GALNT13: variants seen among roughly 807,000 people sequenced by gnomAD.
The protein encoded by GALNT13 is UDP-GalNAc:polypeptide N-acetylgalactosaminyltransferase 13.
In GALNT13, 28 loss-of-function variants were observed where a neutral mutation model predicts 64.2. The observed-to-expected ratio is 0.44, with a 90% CI of 0.32 to 0.60. The LOEUF (loss-of-function observed/expected upper bound fraction) is 0.60. Among genes scored for constraint, GALNT13 ranks in the 20% least tolerant of loss-of-function variants. GALNT13 has a pLI of 0.05. For missense variants in GALNT13, 577 were observed against 669.8 expected, an observed-to-expected ratio of 0.86 and a Z score of 1.53; for synonymous variants, 214 against 224.6, an observed-to-expected ratio of 0.95 and a Z score of 0.42.
the GALNT13 span, among the ~76,000 whole-genome samples, chr2:153,347,923 TA>T: frequency 6.6e-6 from 1 of 152,192 alleles, no homozygotes; most frequent in Admixed American, 6.5e-5. Context: ...TTTATTGCTT[TA>T]AAAAAGGTTT....
At chr2:153,684,144 T>C in the GALNT13 span, among the ~76,000 whole-genome samples, 1 of 151,664 alleles carries the variant, frequency 6.6e-6, no homozygotes, top group Non-Finnish European at 1.5e-5. Flanking sequence ...TACATCATTT[T>C]ACAGGTAGCC....
At chr2:153,628,881 CCTT>C in the GALNT13 span, among the ~76,000 whole-genome samples, 1 of 152,086 alleles carries the variant, frequency 6.6e-6, no homozygotes, top group African/African-American at 2.4e-5. Context: ...AGGGAGGATT[CCTT>C]CTTTTTCTAT....
intron 8 of GALNT13, among the ~76,000 whole-genome samples, chr2:154,283,734 CACAT>C (rs2105944889): frequency 6.6e-6 from 1 of 152,096 alleles, no homozygotes; most frequent in East Asian, 1.9e-4. Flanking sequence ...TACACACAAG[CACAT>C]ACACACAGCC....
At chr2:154,182,285 T>G (rs1015543821) in intron 4 of GALNT13, among the ~76,000 whole-genome samples, 8 of 152,204 alleles carry the variant, frequency 5.3e-5, no homozygotes, top group Non-Finnish European at 8.8e-5. Flanking sequence ...ATGTTTCATT[T>G]CTTCAATGCA....
the GALNT13 span, among the ~76,000 whole-genome samples, chr2:153,402,562 C>T: frequency 6.6e-6 from 1 of 152,092 alleles, no homozygotes; most frequent in Non-Finnish European, 1.5e-5. Context: ...CTTTCAGGTA[C>T]ACCAATCAGA....
the GALNT13 span, among the ~76,000 whole-genome samples, chr2:153,232,216 A>G: frequency 5.9e-5 from 9 of 152,242 alleles, no homozygotes; most frequent in Non-Finnish European, 1.2e-4. Context: ...AATGATATCC[A>G]TCATGCATAG....
At chr2:153,549,682 C>G in the GALNT13 span, among the ~76,000 whole-genome samples, 1 of 152,124 alleles carries the variant, frequency 6.6e-6, no homozygotes, top group Admixed American at 6.5e-5. Context: ...TCATGCAGAG[C>G]CTAGTATAAA....
chr2:153,595,831 A>G, the GALNT13 span, among the ~76,000 whole-genome samples: 1 of 152,216 alleles, frequency 6.6e-6, no homozygotes, highest in Non-Finnish European at 1.5e-5. Flanking sequence ...CATGTGCCCA[A>G]TATTGCCTCT....
the GALNT13 span, among the ~76,000 whole-genome samples, chr2:153,688,919 T>A: frequency 4.0e-5 from 6 of 151,896 alleles, no homozygotes; most frequent in African/African-American, 1.2e-4. Context: ...GCATGTATTT[T>A]GGTGAACTTC....
chr2:153,564,197 T>C, the GALNT13 span, among the ~76,000 whole-genome samples: 1 of 130,004 alleles, frequency 7.7e-6, no homozygotes, highest in East Asian at 2.0e-4. Flanking sequence ...ATTTTTTATA[T>C]ATATATTTTT....
chr2:153,676,325 A>G, the GALNT13 span, among the ~76,000 whole-genome samples: 2 of 152,138 alleles, frequency 1.3e-5, no homozygotes, highest in East Asian at 3.9e-4. Context: ...AAGAAATTGA[A>G]ACCCTGAGCA....
chr2:153,671,144 A>G, the GALNT13 span, among the ~76,000 whole-genome samples: 1 of 152,206 alleles, frequency 6.6e-6, no homozygotes, highest in South Asian at 2.1e-4. Context: ...ATTATCCAGG[A>G]GAATTTCCCC....
At chr2:154,168,860 AAG>A (rs886759298) in intron 4 of GALNT13, among the ~76,000 whole-genome samples, 3 of 151,960 alleles carry the variant, frequency 2.0e-5, no homozygotes, top group African/African-American at 7.3e-5. Flanking sequence ...ATAAATAAAA[AAG>A]AGAAAGAAAA....
chr2:153,936,842 T>C (rs1182703336), intron 2 of GALNT13, among the ~76,000 whole-genome samples: 1 of 152,070 alleles, frequency 6.6e-6, no homozygotes, highest in East Asian at 1.9e-4. Flanking sequence ...TGCCTCAGCC[T>C]CCTGAGTAGC....
chr2:154,438,531 C>A, intron 11 of GALNT13, 61 bp from the exon 12 acceptor site: 1 of 1,282,848 alleles, frequency 7.8e-7, no homozygotes, highest in Non-Finnish European at 1.1e-6. Flanking sequence ...CTGGATAGAT[C>A]TGCTCTATTG....
At chr2:153,175,251 A>G in the GALNT13 span, among the ~76,000 whole-genome samples, 2 of 152,176 alleles carry the variant, frequency 1.3e-5, no homozygotes, top group African/African-American at 4.8e-5. Flanking sequence ...CTTTCATTGT[A>G]TCTTCTGTCC....
At chr2:154,288,235 AGCATGGGGGTAACCACCCCCAT>A (rs1692390881) in intron 8 of GALNT13, among the ~76,000 whole-genome samples, 1 of 152,102 alleles carries the variant, frequency 6.6e-6, no homozygotes, top group African/African-American at 2.4e-5. Context: ...CAAGAACAGC[AGCATGGGGGTAACCACCCCCAT>A]GATTCAAGTA....
At chr2:153,716,245 T>C in the GALNT13 span, among the ~76,000 whole-genome samples, 2 of 152,244 alleles carry the variant, frequency 1.3e-5, no homozygotes, top group African/African-American at 2.4e-5. Flanking sequence ...CCTTGCCAGC[T>C]TGTCCAACCC....
At chr2:153,934,675 G>T (rs1360436037) in intron 2 of GALNT13, among the ~76,000 whole-genome samples, 1 of 152,168 alleles carries the variant, frequency 6.6e-6, no homozygotes, top group East Asian at 1.9e-4. Context: ...TGTTCCACTT[G>T]CTTCCTGTGT....
Sources: gnomAD v4.1 joint callset for allele counts (sites outside exome capture counted in the v4.1 genomes callset) on GRCh38, gnomAD v4.1.1 for gene constraint, MANE v1.5 for transcripts, NCBI Gene and HGNC (gene_info 2026-07-23, HGNC 2026-07-21) for gene names.